Variants in ENTREP2 observed in about 807,000 individuals in gnomAD.
ENTREP2 encodes the protein endosomal transmembrane epsin interactor 2.
At chr15:29,668,162 C>G in the ENTREP2 span, among the ~76,000 whole-genome samples, 3 of 152,184 alleles carry the variant, frequency 2.0e-5, no homozygotes, top group Non-Finnish European at 4.4e-5. Context: ...AGAAACTGCC[C>G]TTCACTCTAG....
At chr15:29,261,410 G>T in the ENTREP2 span, among the ~76,000 whole-genome samples, 1 of 152,124 alleles carries the variant, frequency 6.6e-6, no homozygotes. Context: ...CAGGCATGGT[G>T]GCGCTTGACT....
chr15:29,519,948 A>G, the ENTREP2 span, among the ~76,000 whole-genome samples: 1 of 152,000 alleles, frequency 6.6e-6, no homozygotes, highest in African/African-American at 2.4e-5. Context: ...CTCAAAATCT[A>G]CCCACCCTGC....
chr15:29,461,666 G>T, the ENTREP2 span, among the ~76,000 whole-genome samples: 2 of 151,928 alleles, frequency 1.3e-5, no homozygotes, highest in African/African-American at 2.4e-5. Context: ...GTAGAGCTGG[G>T]GTTTCACTAT....
chr15:29,656,271 G>T, the ENTREP2 span, among the ~76,000 whole-genome samples: 39 of 150,830 alleles, frequency 2.6e-4, no homozygotes, highest in Non-Finnish European at 4.1e-4. Context: ...TGTCACCCAA[G>T]CTGGAGTGCA....
chr15:29,215,602 T>C, the ENTREP2 span, among the ~76,000 whole-genome samples: 1 of 149,460 alleles, frequency 6.7e-6, no homozygotes, highest in Non-Finnish European at 1.5e-5. Context: ...ATATATTCCA[T>C]TAGTTCTGTC....
chr15:29,285,284 T>TG, the ENTREP2 span, among the ~76,000 whole-genome samples: 3 of 152,172 alleles, frequency 2.0e-5, no homozygotes, highest in Non-Finnish European at 4.4e-5. Flanking sequence ...CCTTTTCTCT[T>TG]GCTCTCCATG....
At chr15:29,654,289 C>T in the ENTREP2 span, among the ~76,000 whole-genome samples, 1 of 152,018 alleles carries the variant, frequency 6.6e-6, no homozygotes, top group South Asian at 2.1e-4. Context: ...TTCATCAGAC[C>T]CAAATCAAAA....
At chr15:29,566,334 A>G in the ENTREP2 span, among the ~76,000 whole-genome samples, 6 of 150,354 alleles carry the variant, frequency 4.0e-5, no homozygotes, top group South Asian at 1.3e-3. Flanking sequence ...AGTTTTTTGT[A>G]TTGTTTTTTT....
chr15:29,409,112 G>A, the ENTREP2 span, among the ~76,000 whole-genome samples: 1 of 152,122 alleles, frequency 6.6e-6, no homozygotes, highest in Non-Finnish European at 1.5e-5. Flanking sequence ...AATTTGTTAT[G>A]TGCCTACATG....
At chr15:29,418,131 A>G in the ENTREP2 span, among the ~76,000 whole-genome samples, 1 of 152,208 alleles carries the variant, frequency 6.6e-6, no homozygotes, top group Non-Finnish European at 1.5e-5. Flanking sequence ...AGAAACTACA[A>G]ATGCACAAGG....
At chr15:29,189,603 T>G in the ENTREP2 span, among the ~76,000 whole-genome samples, 2 of 152,098 alleles carry the variant, frequency 1.3e-5, no homozygotes, top group Non-Finnish European at 2.9e-5. Flanking sequence ...ATCTTTAACT[T>G]TGATTTGAAT....
At chr15:29,656,467 T>G in the ENTREP2 span, among the ~76,000 whole-genome samples, 6 of 152,170 alleles carry the variant, frequency 3.9e-5, no homozygotes, top group Non-Finnish European at 2.9e-5. Flanking sequence ...GTGCAGGCAA[T>G]CTGCCTGCCT....
chr15:29,366,743 G>C, the ENTREP2 span, among the ~76,000 whole-genome samples: 1 of 152,220 alleles, frequency 6.6e-6, no homozygotes, highest in African/African-American at 2.4e-5. Context: ...TATCAACAAG[G>C]AGAATCTTTT....
At chr15:29,286,149 C>A in the ENTREP2 span, among the ~76,000 whole-genome samples, 4 of 152,120 alleles carry the variant, frequency 2.6e-5, no homozygotes, top group African/African-American at 9.7e-5. Flanking sequence ...AAGCTGCCAT[C>A]ATCACTTCAT....
chr15:29,522,468 G>A, the ENTREP2 span, among the ~76,000 whole-genome samples: 1 of 152,178 alleles, frequency 6.6e-6, no homozygotes, highest in Non-Finnish European at 1.5e-5. Context: ...AAAACTGGCA[G>A]AAAGTGTCAG....
the ENTREP2 span, among the ~76,000 whole-genome samples, chr15:29,383,329 CTCCACA>C: frequency 6.6e-6 from 1 of 152,220 alleles, no homozygotes; most frequent in Non-Finnish European, 1.5e-5. Context: ...AACCTCTGCT[CTCCACA>C]AGAGTACCTC....
chr15:29,616,604 C>T, the ENTREP2 span, among the ~76,000 whole-genome samples: 1 of 152,084 alleles, frequency 6.6e-6, no homozygotes, highest in Non-Finnish European at 1.5e-5. Context: ...TGATTGTTTA[C>T]CTTTTCCTTT....
At chr15:29,341,365 G>T in the ENTREP2 span, among the ~76,000 whole-genome samples, 3 of 152,118 alleles carry the variant, frequency 2.0e-5, no homozygotes, top group African/African-American at 7.2e-5. Context: ...AGGCCCTCTT[G>T]TCTCAGCTCA....
At chr15:29,668,405 T>C in the ENTREP2 span, among the ~76,000 whole-genome samples, 8 of 152,150 alleles carry the variant, frequency 5.3e-5, no homozygotes, top group African/African-American at 1.9e-4. Flanking sequence ...GCAATTCCAC[T>C]CCTAGGTATA....
Sources: gnomAD v4.1 joint callset for allele counts (sites outside exome capture counted in the v4.1 genomes callset) on GRCh38, gnomAD v4.1.1 for gene constraint, MANE v1.5 for transcripts, NCBI Gene and HGNC (gene_info 2026-07-23, HGNC 2026-07-21) for gene names.